XRN1: variants seen among roughly 807,000 people sequenced by gnomAD.
The protein encoded by XRN1 is 5'-3' exoribonuclease 1.
In XRN1, 67 loss-of-function variants were observed where a neutral mutation model predicts 222.3. That is an observed-to-expected ratio of 0.30 (90% CI 0.25 to 0.37). The LOEUF (loss-of-function observed/expected upper bound fraction) is 0.37. XRN1 is among the 10% of genes least tolerant of loss of function. The pLI, the probability that XRN1 is intolerant of heterozygous loss-of-function variation, is 1.00. For synonymous variants in XRN1, 643 were observed against 652.4 expected, an observed-to-expected ratio of 0.99 and a Z score of 0.22; for missense variants, 1,707 against 2,000.2, an observed-to-expected ratio of 0.85 and a Z score of 2.80.
chr3:142,335,327 C>A (rs1007937154), intron 34 of XRN1, 121 bp downstream of exon 34: 7 of 872,976 alleles, frequency 8.0e-6, no homozygotes, highest in South Asian at 1.6e-5. Flanking sequence ...ACTTCAGTGA[C>A]CCTCTGGCCA....
chr3:142,407,887 A>G (rs1160553022), intron 15 of XRN1: 1 of 152,236 alleles, frequency 6.6e-6, no homozygotes. Flanking sequence ...AATGGCATGT[A>G]TTCACAGCAA....
intron 37 of XRN1, among the ~76,000 whole-genome samples, chr3:142,324,259 C>A (rs2065452154): frequency 8.5e-6 from 1 of 117,132 alleles, no homozygotes; most frequent in Non-Finnish European, 1.7e-5. Flanking sequence ...CCCCCACCCA[C>A]AACAGTCCCC....
intron 11 of XRN1, 44 bp from the exon 12 acceptor site, chr3:142,418,653 AG>A: frequency 6.6e-7 from 1 of 1,509,174 alleles, no homozygotes; most frequent in Non-Finnish European, 9.1e-7. Flanking sequence ...AATTATGAAT[AG>A]CCTGTTTTTC....
chr3:142,332,399 G>A lies in XRN1; in HGVS notation c.4198C>T (p.Gln1400Ter), dbSNP rs1483395327. The A allele has an allele frequency of 6.2e-7, 1 of 1,608,476 alleles. No homozygotes were observed. The highest frequency in any genetic ancestry group is 8.5e-7 in the Non-Finnish European group (1 of 1,176,572). ...NRRDEYGLPS[Q>*]PKQNKKLASY... ...CCTAATTTCTTATTTTGTTTAGGCT[G>A]AGAGGGTAATCCATATTCATCTCTT... Residue 1400 changes from glutamine (Q) to a stop codon, truncating the protein, a stop_gained, in exon 36 of 41, where the codon CAG (glutamine) becomes TAG (stop). Transcript: ENST00000392981. LOFTEE classifies it high-confidence loss of function.
chr3:142,322,367 C>A (rs943340348), intron 37 of XRN1, among the ~76,000 whole-genome samples: 4 of 152,112 alleles, frequency 2.6e-5, no homozygotes, highest in African/African-American at 9.7e-5. Flanking sequence ...GTGGGTACTA[C>A]CACGCTTAGC....
intron 1 of XRN1, among the ~76,000 whole-genome samples, chr3:142,435,762 CAAAA>C (rs1176485060): frequency 5.1e-5 from 3 of 58,514 alleles, no homozygotes; most frequent in Non-Finnish European, 3.5e-5. Context: ...CCCCACCCCC[CAAAA>C]AAAAAAAAAA....
Position 142,423,490 on chromosome 3 carries a change from C to G in XRN1, c.710+70G>C, listed in dbSNP as rs1298100268. On this transcript the variant is annotated intron_variant, in intron 6 of 40. Coordinates refer to ENST00000392981, the MANE Select transcript of XRN1 (RefSeq NM_001282857.2). ...CGGAATGAGATAAAGTATTTACAAA[C>G]ATGTATCTGTTAAAGAATTACTATC... The G allele has an allele frequency of 3.3e-5, 42 of 1,266,736 alleles. No homozygotes were observed. In the East Asian group the frequency reaches 8.2e-4, roughly 25 times the overall value. 78.5% of individuals were successfully genotyped at this position (1,266,736 alleles called of 1,614,324 possible).
intron 20 of XRN1, among the ~76,000 whole-genome samples, chr3:142,384,990 T>C (rs2067439843): frequency 6.6e-6 from 1 of 152,144 alleles, no homozygotes. Flanking sequence ...GTTTTGGTGA[T>C]GACATGGAAA....
rs2065065025 is a variant in XRN1, at chr3:142,311,083, C to T, written c.*428G>A. The T allele has an allele frequency of 6.5e-6, 1 of 153,030 alleles. No homozygotes were observed. Among genetic ancestry groups the T allele is most frequent in the South Asian group, 2.1e-4 (1 of 4,852 alleles). The allele number at this position is 153,030 out of a possible 1,614,324, so 9.5% of individuals were successfully genotyped here. ...CACATTCAGTAAGTTATACTGGAGGCCCAAATTTCATGCTCCATGTAATTA... is the reference window on the plus strand; with the variant it reads ...CACATTCAGTAAGTTATACTGGAGGTCCAAATTTCATGCTCCATGTAATTA... On this transcript the variant is annotated 3_prime_UTR_variant, in exon 41 of 41. Coordinates refer to ENST00000392981, the MANE Select transcript of XRN1 (RefSeq NM_001282857.2).
chr3:142,387,770 CT>C (rs1427527791), intron 20 of XRN1, among the ~76,000 whole-genome samples: 8 of 152,100 alleles, frequency 5.3e-5, no homozygotes, highest in African/African-American at 1.7e-4. Context: ...GGGGTGGATC[CT>C]TCATAAATGG....
chr3:142,345,021 CTG>C (rs2066102999), intron 33 of XRN1, among the ~76,000 whole-genome samples: 1 of 152,172 alleles, frequency 6.6e-6, no homozygotes. Context: ...GTAATCAAGA[CTG>C]TGTATTTCAC....
chr3:142,405,414 TCTTA>T (rs2068303811), intron 15 of XRN1, among the ~76,000 whole-genome samples: 1 of 152,226 alleles, frequency 6.6e-6, no homozygotes, highest in Admixed American at 6.5e-5. Flanking sequence ...AGCATTAATC[TCTTA>T]CTTTACAAAT....
chr3:142,344,551 A>G (rs2066085962), intron 33 of XRN1, among the ~76,000 whole-genome samples: 1 of 152,210 alleles, frequency 6.6e-6, no homozygotes, highest in African/African-American at 2.4e-5. Flanking sequence ...ACAAAAAATT[A>G]GGGCTAATAA....
intron 30 of XRN1, among the ~76,000 whole-genome samples, chr3:142,358,289 T>G (rs11707154): frequency 6.6e-6 from 1 of 152,094 alleles, no homozygotes; most frequent in East Asian, 1.9e-4. Flanking sequence ...GACAAGTATT[T>G]GTGATTTCCA....
chr3:142,353,411 C>T (rs1368808622), intron 32 of XRN1, among the ~76,000 whole-genome samples: 5 of 152,154 alleles, frequency 3.3e-5, no homozygotes, highest in Admixed American at 6.5e-5. Context: ...CCTGACTTCA[C>T]GTTATACTGT....
intron 20 of XRN1, among the ~76,000 whole-genome samples, chr3:142,391,422 G>A (rs929127665): frequency 1.2e-4 from 18 of 152,118 alleles, no homozygotes; most frequent in African/African-American, 4.1e-4. Flanking sequence ...TGGGGTCAGT[G>A]TTGTTGTCTG....
intron 15 of XRN1, among the ~76,000 whole-genome samples, chr3:142,411,526 T>C (rs1374812251): frequency 6.6e-6 from 1 of 152,092 alleles, no homozygotes; most frequent in South Asian, 2.1e-4. Context: ...TCCCTTTTTT[T>C]TCTTTCCTGA....
At position 142,432,431 on chromosome 3, in the gene XRN1, C is replaced by G. The variant is rs74370710; in HGVS notation, c.308+230G>C. Among the ~76,000 whole-genome samples the G allele has an allele frequency of 5.0e-3, 756 of 150,784 alleles. 8 individuals carry two copies. The highest frequency in any genetic ancestry group is 0.018 in the African/African-American group (735 of 40,988). ...GTGAGATTCTGTCTCAACAAACAAA[C>G]AAACAAACGAACAAGAGAACCTCCA... On this transcript the variant is annotated intron_variant, in intron 2 of 40. Transcript: ENST00000392981.
chr3:142,360,731 A>C (rs1481944680), intron 29 of XRN1, among the ~76,000 whole-genome samples: 1 of 151,900 alleles, frequency 6.6e-6, no homozygotes, highest in Non-Finnish European at 1.5e-5. Context: ...AAAATTAGCC[A>C]GGCATGGTGG....
Sources: gnomAD v4.1 joint callset for allele counts (sites outside exome capture counted in the v4.1 genomes callset) on GRCh38, gnomAD v4.1.1 for gene constraint, MANE v1.5 for transcripts, NCBI Gene and HGNC (gene_info 2026-07-23, HGNC 2026-07-21) for gene names.